The following EMID1 variants were observed in gnomAD, a reference collection of about 807,000 sequenced individuals.
The protein encoded by EMID1 is EMI domain-containing protein 1.
A neutral mutation model predicts 60.6 loss-of-function variants in EMID1; 40 were observed. That is an observed-to-expected ratio of 0.66 (90% CI 0.51 to 0.86). The LOEUF (loss-of-function observed/expected upper bound fraction) is 0.86, where lower values mean the gene tolerates loss of function less well. EMID1 is among the 40% of genes least tolerant of loss of function. The pLI is 0.00. For synonymous variants in EMID1, 242 were observed against 231.0 expected (o/e 1.05, Z -0.43); for missense variants, 585 against 597.1 (o/e 0.98, Z 0.21).
intron 3 of EMID1, chr22:29,216,230 G>A (rs1568971213): frequency 4.5e-6 from 4 of 897,422 alleles, no homozygotes; most frequent in Non-Finnish European, 5.3e-6. Context: ...GTGGCTCAGG[G>A]CTGAGCACCC....
chr22:29,250,277 C>CA (rs1347595570), intron 13 of EMID1, among the ~76,000 whole-genome samples: 7 of 152,236 alleles, frequency 4.6e-5, no homozygotes, highest in Non-Finnish European at 1.0e-4. Context: ...CAATAAAGTC[C>CA]AAAATATAAT....
chr22:29,256,463 CAAAA>C (rs774829201), intron 14 of EMID1, among the ~76,000 whole-genome samples: 21 of 52,764 alleles, frequency 4.0e-4, no homozygotes, highest in African/African-American at 1.1e-3. Flanking sequence ...GACTCCATCT[CAAAA>C]AAAAAAAAAA....
At chr22:29,215,110 G>A (rs2040035082) in intron 2 of EMID1, 71 bp downstream of exon 2, 1 of 1,471,412 alleles carries the variant, frequency 6.8e-7, no homozygotes, top group Non-Finnish European at 9.1e-7. Context: ...CCTGGTTGGG[G>A]GACTGCATGG....
At chr22:29,249,258 A>G (rs6006081) in intron 13 of EMID1, among the ~76,000 whole-genome samples, 1,731 of 150,172 alleles carry the variant, frequency 0.012, 31 homozygotes, top group African/African-American at 0.04. Flanking sequence ...TTTTTTTGAG[A>G]TGGAGTCTCT....
In EMID1 at chr22:29,243,495, C is replaced by T. The variant is rs181728854; in HGVS notation, c.1119+6C>T. On this transcript the variant is annotated splice_donor_region_variant and intron_variant, in intron 13 of 14. Coordinates refer to ENST00000334018, the MANE Select transcript of EMID1 (RefSeq NM_133455.4). ...CTGGTGAGAAGAGCCACTGGGTAAG[C>T]TCTGGCCTGGCACTGGCCTCTCCCT... 180 of 1,614,026 alleles carry T rather than the reference C, an allele frequency of 1.1e-4. No individual in the cohort carries two copies. The African/African-American group carries it at 2.2e-3, about 20-fold the overall frequency.
intron 12 of EMID1, among the ~76,000 whole-genome samples, chr22:29,235,110 G>A (rs1320414165): frequency 6.6e-6 from 1 of 152,070 alleles, no homozygotes; most frequent in Non-Finnish European, 1.5e-5. Context: ...CACTTTGGGG[G>A]GCTGAGACGG....
At position 29,231,590 on chromosome 22, in the gene EMID1, C is replaced by A. The variant is rs369751814; in HGVS notation, c.587-3C>A. On this transcript the variant is annotated splice_region_variant and splice_polypyrimidine_tract_variant and intron_variant, in intron 6 of 14. Transcript: ENST00000334018. ...TGCCAGTCTGATATGCTTTACCCCC[C>A]AGACCAAGTCGGTGCTTGGGGGCTT... 7.1e-6 allele frequency: 11 copies of A among 1,543,624 alleles called. No homozygotes were observed. Among genetic ancestry groups the A allele is most frequent in the South Asian group, 2.4e-5 (2 of 82,826 alleles).
At chr22:29,250,537 T>C (rs1049809108) in intron 13 of EMID1, among the ~76,000 whole-genome samples, 1 of 151,204 alleles carries the variant, frequency 6.6e-6, no homozygotes, top group African/African-American at 2.4e-5. Flanking sequence ...ATGCCAGGAA[T>C]GGCTTCATGG....
chr22:29,231,520 T>C (rs975454710), intron 6 of EMID1, 73 bp from the exon 7 acceptor site: 22 of 1,470,626 alleles, frequency 1.5e-5, no homozygotes, highest in African/African-American at 1.4e-4. Flanking sequence ...TAGATGCTGG[T>C]TGGGGGGCTG....
intron 14 of EMID1, chr22:29,255,633 G>C (rs140610659): frequency 3.1e-6 from 1 of 317,814 alleles, no homozygotes; most frequent in African/African-American, 2.1e-5. Context: ...GGGTGCTGGG[G>C]GGCTCAGGAG....
Position 29,258,946 on chromosome 22 carries a change from G to A in EMID1, c.*2G>A. On this transcript the variant is annotated 3_prime_UTR_variant, in exon 15 of 15. Coordinates refer to ENST00000334018, the MANE Select transcript of EMID1 (RefSeq NM_133455.4). ...AGGAGCCGGGACGAGAGAGGCTGAG[G>A]GTGGTGGCGGCCCCTGAGGCAGACC... 1.2e-6 allele frequency: 2 copies of A among 1,611,500 alleles called. No individual in the cohort carries two copies. Among genetic ancestry groups the A allele is most frequent in the Non-Finnish European group, 1.7e-6 (2 of 1,178,960 alleles).
At chr22:29,250,539 G>A (rs557653616) in intron 13 of EMID1, among the ~76,000 whole-genome samples, 18 of 150,904 alleles carry the variant, frequency 1.2e-4, no homozygotes, top group African/African-American at 4.1e-4. Context: ...GCCAGGAATG[G>A]CTTCATGGAA....
At chr22:29,235,163 C>T (rs1396875387) in intron 12 of EMID1, among the ~76,000 whole-genome samples, 4 of 152,098 alleles carry the variant, frequency 2.6e-5, no homozygotes, top group African/African-American at 9.7e-5. Context: ...GCCTGGTCAA[C>T]ATGGTGAAAC....
At chr22:29,208,767 C>G (rs2039772602) in intron 1 of EMID1, among the ~76,000 whole-genome samples, 1 of 152,196 alleles carries the variant, frequency 6.6e-6, no homozygotes, top group African/African-American at 2.4e-5. Flanking sequence ...TGCTGGTGTC[C>G]CCAATCCCCA....
In EMID1 at chr22:29,231,059, A is replaced by G. The variant is rs2040721142; in HGVS notation, c.505A>G (p.Thr169Ala). ...LTVIEQPVPP[T>A]PATPEDPAPL... Reference sequence around the variant, plus strand: ...TGTCATAGAGCAGCCAGTACCTCCAACACCAGCTACCCCTGAGGACCCTGC... The same window carrying G: ...TGTCATAGAGCAGCCAGTACCTCCAGCACCAGCTACCCCTGAGGACCCTGC... The change falls in exon 6 of 15, where the codon ACA becomes GCA. Residue 169 changes from threonine (T) to alanine (A), a missense_variant. Transcript: ENST00000334018. 6.2e-7 allele frequency: 1 copy of G among 1,613,842 alleles called. No individual in the cohort carries two copies. The highest frequency in any genetic ancestry group is 1.1e-5 in the South Asian group (1 of 91,072).
At chr22:29,245,647 T>A (rs1178770414) in intron 13 of EMID1, among the ~76,000 whole-genome samples, 2 of 152,202 alleles carry the variant, frequency 1.3e-5, no homozygotes, top group Non-Finnish European at 2.9e-5. Context: ...AGGGCTCCTA[T>A]GTACACTTCA....
Position 29,234,287 on chromosome 22 carries a change from C to G in EMID1, c.1030-18C>G. On this transcript the variant is annotated intron_variant, in intron 11 of 14. Coordinates refer to ENST00000334018, the MANE Select transcript of EMID1 (RefSeq NM_133455.4). ...GTCCTCAACAGCTGACGCCATTCGT[C>G]TCCTCCCTCTTACACAGGGACTGCG... is the stretch of plus-strand genomic sequence containing the variant. 1 of 1,612,964 alleles carries G rather than the reference C, an allele frequency of 6.2e-7. No homozygotes were observed. Among genetic ancestry groups the G allele is most frequent in the Non-Finnish European group, 8.5e-7 (1 of 1,179,804 alleles).
At chr22:29,243,378 C>CT (rs962460188) in intron 12 of EMID1, 67 bp from the exon 13 acceptor site, 7 of 1,526,576 alleles carry the variant, frequency 4.6e-6, no homozygotes, top group Admixed American at 3.6e-5. Context: ...TTTCCTCCCT[C>CT]TTTTTTTCCC....
intron 14 of EMID1, chr22:29,255,571 G>A (rs1216861953): frequency 4.7e-6 from 2 of 423,584 alleles, no homozygotes; most frequent in Non-Finnish European, 4.2e-6. Context: ...GCACCTTGCT[G>A]GGACAGGCTC....
Sources: gnomAD v4.1 joint callset for allele counts (sites outside exome capture counted in the v4.1 genomes callset) on GRCh38, gnomAD v4.1.1 for gene constraint, MANE v1.5 for transcripts, NCBI Gene and HGNC (gene_info 2026-07-23, HGNC 2026-07-21) for gene names.